The following ARHGEF12 variants were observed in gnomAD, a reference collection of about 807,000 sequenced individuals.
ARHGEF12 encodes Rho guanine nucleotide exchange factor 12.
ARHGEF12 carries 66 observed loss-of-function variants against 211.2 expected under a neutral mutation model. The ratio of observed to expected loss-of-function variants is 0.31; its 90% CI spans 0.26 to 0.38. The LOEUF (loss-of-function observed/expected upper bound fraction) is 0.38. Ranked by LOEUF, ARHGEF12 falls within the 10% of genes least tolerant of loss-of-function variation. The pLI is 1.00. For missense variants in ARHGEF12, 1,429 were observed against 1,869.5 expected (o/e 0.76, Z 4.34); for synonymous variants, 592 against 638.4 (o/e 0.93, Z 1.09).
In ARHGEF12 at chr11:120,406,094, A is replaced by C. The variant is rs747696715; in HGVS notation, c.33-24A>C. The C allele has an allele frequency of 2.6e-6, 4 of 1,524,012 alleles. No individual in the cohort carries two copies. The South Asian group carries it at 4.9e-5, about 19-fold the overall frequency. The allele number at this position is 1,524,012 out of a possible 1,614,324, so 94.4% of individuals were successfully genotyped here. A position where few individuals can be genotyped will look rare whatever the true frequency, so the allele number is the denominator to read the frequency against. On this transcript the variant is annotated intron_variant, in intron 1 of 40. Transcript: ENST00000397843. ...TCTTACAAGTAAAGTAACTACATCTATCCTTATTTTTTCTTTGTTTCAGGT... is the reference window on the plus strand; with the variant it reads ...TCTTACAAGTAAAGTAACTACATCTCTCCTTATTTTTTCTTTGTTTCAGGT...
chr11:120,478,036 C>A, intron 36 of ARHGEF12, 120 bp from the exon 37 acceptor site: 3 of 699,748 alleles, frequency 4.3e-6, no homozygotes, highest in Non-Finnish European at 7.0e-6. Flanking sequence ...TTTTTCTTAA[C>A]AGATGATCTC....
chr11:120,465,412 A>G (rs1384411964), intron 28 of ARHGEF12, 50 bp downstream of exon 28: 2 of 1,604,752 alleles, frequency 1.2e-6, no homozygotes, highest in Non-Finnish European at 8.5e-7. Flanking sequence ...GTTTTTATCA[A>G]TTATCAGATA....
chr11:120,454,928 C>T (rs1023543192), intron 22 of ARHGEF12, among the ~76,000 whole-genome samples: 8 of 152,122 alleles, frequency 5.3e-5, no homozygotes, highest in African/African-American at 1.9e-4. Flanking sequence ...CTAAATCTAG[C>T]CCATACTCAG....
At position 120,484,459 on chromosome 11, in the gene ARHGEF12, A is replaced by G; in HGVS notation, c.4576A>G (p.Ile1526Val). ...ACAGAAGGTGGAGGAAAGTTACACC[A>G]TTCTTTGCCAAAGGCTGGCTGGATC... Reference protein sequence around the residue: ...HLKKVEESYTILCQRLAGSAL... With the variant: ...HLKKVEESYTVLCQRLAGSAL... Residue 1526 changes from isoleucine (I) to valine (V), a missense_variant, in exon 40 of 41, where the codon ATT (isoleucine) becomes GTT (valine). By Grantham distance (29) the Ile-to-Val change is conservative. Coordinates refer to ENST00000397843, the MANE Select transcript of ARHGEF12 (RefSeq NM_015313.3). The G allele has an allele frequency of 1.2e-6, 2 of 1,614,116 alleles. No homozygotes were observed. The highest frequency in any genetic ancestry group is 1.7e-6 in the Non-Finnish European group (2 of 1,180,020).
chr11:120,471,310 T>TGGATG (rs1428907588), intron 30 of ARHGEF12, among the ~76,000 whole-genome samples: 9 of 152,044 alleles, frequency 5.9e-5, no homozygotes, highest in Non-Finnish European at 1.2e-4. Flanking sequence ...GCACACAACA[T>TGGATG]GGATGAATCT....
At chr11:120,457,043 G>T (rs1189926430) in intron 22 of ARHGEF12, 75 bp from the exon 23 acceptor site, 1 of 1,467,360 alleles carries the variant, frequency 6.8e-7, no homozygotes, top group Non-Finnish European at 9.3e-7. Flanking sequence ...AGCTGTTCTG[G>T]GAACTAATTT....
At chr11:120,418,936 T>C (rs750267999) in intron 4 of ARHGEF12, among the ~76,000 whole-genome samples, 2 of 152,122 alleles carry the variant, frequency 1.3e-5, no homozygotes, top group Non-Finnish European at 1.5e-5. Context: ...ATATTGTGAA[T>C]ATTTTCTCTG....
chr11:120,358,480 TAGTA>T (rs972535205), intron 1 of ARHGEF12, among the ~76,000 whole-genome samples: 1 of 152,146 alleles, frequency 6.6e-6, no homozygotes, highest in African/African-American at 2.4e-5. Flanking sequence ...AGAACAGACA[TAGTA>T]AGGGATAGAT....
At position 120,480,042 on chromosome 11, in the gene ARHGEF12, A is replaced by G. The variant is rs1947181794; in HGVS notation, c.3849A>G (p.Arg1283=). 3.7e-6 allele frequency: 6 copies of G among 1,614,170 alleles called. No individual in the cohort carries two copies. In the East Asian group the frequency reaches 6.7e-5, roughly 18 times the overall value. Residue 1283 remains arginine (R), a synonymous_variant, in exon 38 of 41, where the codon AGA becomes AGG. Coordinates refer to ENST00000397843, the MANE Select transcript of ARHGEF12 (RefSeq NM_015313.3). ...SVQEDWQHFP[R]YRTASQGPQT... ...AGGAAGACTGGCAACATTTCCCAAG[A>G]TACAGAACAGCCTCTCAGGGGCCGC...
At chr11:120,481,952 G>GGT (rs1947255696) in intron 39 of ARHGEF12, among the ~76,000 whole-genome samples, 1 of 151,884 alleles carries the variant, frequency 6.6e-6, no homozygotes, top group African/African-American at 2.4e-5. Flanking sequence ...ATAGAGACGG[G>GGT]GTTTCACCAT....
At chr11:120,471,414 A>C (rs758560295) in intron 30 of ARHGEF12, among the ~76,000 whole-genome samples, 19 of 152,306 alleles carry the variant, frequency 1.2e-4, no homozygotes, top group South Asian at 6.2e-4. Flanking sequence ...AAACTATTCT[A>C]TGGTAGGAAA....
At chr11:120,437,456 C>A in intron 12 of ARHGEF12, 74 bp downstream of exon 12, 1 of 976,434 alleles carries the variant, frequency 1.0e-6, no homozygotes, top group Non-Finnish European at 1.5e-6. Flanking sequence ...ATAGACACAT[C>A]TGATGTTTAC....
intron 31 of ARHGEF12, 63 bp downstream of exon 31, chr11:120,473,190 A>G: frequency 2.8e-6 from 4 of 1,409,642 alleles, no homozygotes; most frequent in Non-Finnish European, 4.0e-6. Context: ...CCTGGCAGGT[A>G]ATTAACATCT....
chr11:120,473,046 T>G lies in ARHGEF12; in HGVS notation c.2956-4T>G. On this transcript the variant is annotated splice_polypyrimidine_tract_variant and splice_region_variant and intron_variant, in intron 30 of 40. Transcript: ENST00000397843. Reference sequence around the variant, plus strand: ...ACCTTGGTTCCACCCTGCCTAATTTTCAGCGCCTAGAAGATTATCAGCGTC... The same window carrying G: ...ACCTTGGTTCCACCCTGCCTAATTTGCAGCGCCTAGAAGATTATCAGCGTC... 1 of 1,613,554 alleles carries G rather than the reference T, an allele frequency of 6.2e-7. No individual in the cohort carries two copies. Among genetic ancestry groups the G allele is most frequent in the Non-Finnish European group, 8.5e-7 (1 of 1,179,656 alleles).
intron 1 of ARHGEF12, among the ~76,000 whole-genome samples, chr11:120,404,375 T>C (rs1221785445): frequency 6.6e-6 from 1 of 152,232 alleles, no homozygotes; most frequent in Non-Finnish European, 1.5e-5. Flanking sequence ...TACACACATA[T>C]GTACACATAT....
Position 120,421,817 on chromosome 11 carries a change from C to T in ARHGEF12, c.313C>T (p.Arg105Trp), listed in dbSNP as rs369791110. The part of the protein sequence containing the change: ...QSVKEDGAAM[R>W]AGVQTGDRII... The stretch of plus-strand genomic sequence containing the variant: ...TTCTCATACAGATGGAGCAGCCATG[C>T]GGGCTGGAGTACAGACAGGTGATCG... The change falls in exon 6 of 41, where the codon CGG (arginine) becomes TGG (tryptophan). Residue 105 changes from arginine (R) to tryptophan (W), a missense_variant. Arg to Trp is a moderately radical substitution (Grantham distance 101). This residue lies in a region of ARHGEF12 where 60 missense variants were observed against 121.0 expected (regional missense o/e 0.50). Coordinates refer to ENST00000397843, the MANE Select transcript of ARHGEF12 (RefSeq NM_015313.3). The T allele has an allele frequency of 1.2e-6, 2 of 1,608,904 alleles. No homozygotes were observed. The highest frequency in any genetic ancestry group is 8.5e-7 in the Non-Finnish European group (1 of 1,177,780).
In ARHGEF12 at chr11:120,336,593, C is replaced by T. The variant is rs961187431; in HGVS notation, c.-651C>T. On this transcript the variant is annotated 5_prime_UTR_variant, in exon 1 of 41. Coordinates refer to ENST00000397843, the MANE Select transcript of ARHGEF12 (RefSeq NM_015313.3). The stretch of plus-strand genomic sequence containing the variant: ...CAAAGGGATGGGGAGCAGTCCGCGG[C>T]GCTGAGAGACCCGGGTCCCTGTCAC... Among the ~76,000 whole-genome samples the T allele has an allele frequency of 2.6e-4, 40 of 152,084 alleles. No individual in the cohort carries two copies. The highest frequency in any genetic ancestry group is 1.5e-5 in the Non-Finnish European group (1 of 67,988).
In ARHGEF12 at chr11:120,411,581, C is replaced by CTTTTTTT. The variant is rs56970429; in HGVS notation, c.199+2151_199+2157dup. ...TATTATTTATTTTAAACTTTCTTGG[C>CTTTTTTT]TTTTTTTTTTTTTTTTTTTTTTTTT... On this transcript the variant is annotated intron_variant, in intron 4 of 40. Transcript: ENST00000397843. The CTTTTTTT allele has an allele frequency of 4.9e-5, 2 of 40,698 alleles. 1 individual carries two copies. The highest frequency in any genetic ancestry group is 2.9e-3 in the South Asian group (2 of 684). 2.5% of individuals were successfully genotyped at this position (40,698 alleles called of 1,614,324 possible).
intron 31 of ARHGEF12, among the ~76,000 whole-genome samples, chr11:120,473,375 A>C (rs1002612779): frequency 6.6e-6 from 1 of 152,178 alleles, no homozygotes; most frequent in Non-Finnish European, 1.5e-5. Context: ...ACTAAGGGAC[A>C]CTAATTATTA....
Sources: allele counts gnomAD v4.1 joint callset (sites outside exome capture counted in the v4.1 genomes callset), GRCh38; gene constraint gnomAD v4.1.1; regional missense constraint gnomAD v4.1.1; transcripts MANE v1.5; gene names NCBI Gene and HGNC (gene_info 2026-07-23, HGNC 2026-07-21).